The following IL33 variants were observed in gnomAD, a reference collection of about 807,000 sequenced individuals.
The protein encoded by IL33 is interleukin-33.
Under a neutral mutation model 27.3 loss-of-function variants are expected in IL33, and 37 were observed. The ratio of observed to expected loss-of-function variants is 1.36; its 90% CI spans 1.04 to 1.78. IL33 has a LOEUF of 1.78. Ranked by LOEUF, IL33 falls within the 40% of genes most tolerant of loss-of-function variation. IL33 has a pLI of 0.00. For synonymous variants in IL33, 132 were observed against 102.9 expected, an observed-to-expected ratio of 1.28 and a Z score of -1.71; for missense variants, 406 against 311.4, an observed-to-expected ratio of 1.30 and a Z score of -2.29.
chr9:6,227,192 G>C (rs973244433), intron 1 of IL33, among the ~76,000 whole-genome samples: 3 of 152,200 alleles, frequency 2.0e-5, no homozygotes, highest in Non-Finnish European at 4.4e-5. Flanking sequence ...TATTGTGAAT[G>C]TAGCCCTTTG....
chr9:6,251,340 G>C, intron 4 of IL33, 75 bp downstream of exon 4: 1 of 1,579,134 alleles, frequency 6.3e-7, no homozygotes. Context: ...TGCTACTCCA[G>C]GTAGCAGTCC....
At chr9:6,242,338 C>G (rs1364890152) in intron 2 of IL33, 1 of 152,204 alleles carries the variant, frequency 6.6e-6, no homozygotes, top group African/African-American at 2.4e-5. Flanking sequence ...AAAAAAAGTG[C>G]AGCTTGCTGC....
At chr9:6,238,313 C>T (rs1324676232) in intron 1 of IL33, among the ~76,000 whole-genome samples, 3 of 151,928 alleles carry the variant, frequency 2.0e-5, no homozygotes, top group African/African-American at 2.4e-5. Context: ...GCATTCTTGA[C>T]CAAAAAAGGT....
intron 1 of IL33, among the ~76,000 whole-genome samples, chr9:6,232,152 T>A (rs1224850295): frequency 2.6e-5 from 4 of 152,144 alleles, no homozygotes; most frequent in African/African-American, 9.7e-5. Flanking sequence ...TTCCAGCTGA[T>A]CAGATGTAGA....
intron 1 of IL33, among the ~76,000 whole-genome samples, chr9:6,241,313 T>C (rs1468774038): frequency 6.6e-6 from 1 of 152,252 alleles, no homozygotes; most frequent in Non-Finnish European, 1.5e-5. Flanking sequence ...TTGTATGTGC[T>C]ATACTTTTAT....
At chr9:6,238,870 G>C (rs1239099342) in intron 1 of IL33, among the ~76,000 whole-genome samples, 1 of 152,166 alleles carries the variant, frequency 6.6e-6, no homozygotes, top group Non-Finnish European at 1.5e-5. Flanking sequence ...CCAGATTGCA[G>C]AACCATACTA....
At chr9:6,223,617 T>C (rs1818504549) in intron 1 of IL33, among the ~76,000 whole-genome samples, 2 of 152,282 alleles carry the variant, frequency 1.3e-5, no homozygotes, top group African/African-American at 4.8e-5. Flanking sequence ...ATAAAGATAT[T>C]ATTAAGGCAA....
At chr9:6,253,435 T>A in intron 5 of IL33, 117 bp from the exon 6 acceptor site, 1 of 638,016 alleles carries the variant, frequency 1.6e-6, no homozygotes, top group Non-Finnish European at 2.7e-6. Flanking sequence ...ACAAAAGATT[T>A]GTTTTTATTG....
rs10975520 is a variant in IL33 at position 6,253,710 on chromosome 9, G to T, written c.520+108G>T. On this transcript the variant is annotated intron_variant, in intron 6 of 7. Transcript: ENST00000682010. ...CATAGGAAAAAAGATAGTCTCAGAAGGTTATCTCCAACCCAAGCTCATGGT... is the reference window on the plus strand; with the variant it reads ...CATAGGAAAAAAGATAGTCTCAGAATGTTATCTCCAACCCAAGCTCATGGT... The T allele has an allele frequency of 2.8e-4, 214 of 761,646 alleles. No individual in the cohort carries two copies. In the African/African-American group the frequency reaches 3.4e-3, roughly 12 times the overall value. 47.2% of individuals were successfully genotyped at this position (761,646 alleles called of 1,614,324 possible). A position where few individuals can be genotyped will look rare whatever the true frequency, so the allele number is the denominator to read the frequency against.
intron 1 of IL33, among the ~76,000 whole-genome samples, chr9:6,229,184 T>C (rs1049689210): frequency 2.6e-5 from 4 of 152,110 alleles, no homozygotes; most frequent in Admixed American, 2.6e-4. Flanking sequence ...ATACCCTCCT[T>C]GTTTTGAAGA....
At chr9:6,227,014 G>C (rs1168653186) in intron 1 of IL33, among the ~76,000 whole-genome samples, 1 of 152,244 alleles carries the variant, frequency 6.6e-6, no homozygotes, top group Admixed American at 6.5e-5. Context: ...GCTTTTGGAA[G>C]CACACAAGTA....
At position 6,241,687 on chromosome 9, in the gene IL33, A is replaced by G. The variant is rs1205442183; in HGVS notation, c.-8A>G. The G allele has an allele frequency of 6.3e-7, 1 of 1,580,320 alleles. No homozygotes were observed. The highest frequency in any genetic ancestry group is 8.7e-7 in the Non-Finnish European group (1 of 1,154,948). ...ATATTATATTTTAATCCAACAGAATACTGAAAAATGAAGCCTAAAATGAAG... is the reference window on the plus strand; with the variant it reads ...ATATTATATTTTAATCCAACAGAATGCTGAAAAATGAAGCCTAAAATGAAG... On this transcript the variant is annotated 5_prime_UTR_variant, in exon 2 of 8. The change creates a new upstream start codon in the 5' untranslated region. Coordinates refer to ENST00000682010, the MANE Select transcript of IL33 (RefSeq NM_033439.4).
At chr9:6,253,481 A>G in intron 5 of IL33, 71 bp from the exon 6 acceptor site, 3 of 986,674 alleles carry the variant, frequency 3.0e-6, no homozygotes, top group Non-Finnish European at 4.7e-6. Context: ...TTCTGATGTT[A>G]TGTGTGTGTT....
At chr9:6,232,702 T>A (rs1007904419) in intron 1 of IL33, among the ~76,000 whole-genome samples, 1 of 152,164 alleles carries the variant, frequency 6.6e-6, no homozygotes, top group South Asian at 2.1e-4. Flanking sequence ...CTTAAACTAA[T>A]CTCTTTCCTT....
At chr9:6,244,945 C>A (rs553105544) in intron 2 of IL33, among the ~76,000 whole-genome samples, 1 of 152,320 alleles carries the variant, frequency 6.6e-6, no homozygotes, top group South Asian at 2.1e-4. Context: ...TTGTGGTCAC[C>A]CACAGGGCAT....
Position 6,249,368 on chromosome 9 carries a change from A to G in IL33, c.92-1106A>G, listed in dbSNP as rs997030520. Among the ~76,000 whole-genome samples the G allele has an allele frequency of 2.0e-5, 3 of 152,338 alleles. No individual in the cohort carries two copies. In the East Asian group the frequency reaches 5.8e-4, roughly 29 times the overall value. ...TTTTATTTTCTGAATTACTGTGACT[A>G]ATTGAAATTTGACTTCATTGTATAA... On this transcript the variant is annotated intron_variant, in intron 2 of 7. Transcript: ENST00000682010.
chr9:6,224,308 T>C (rs1929994), intron 1 of IL33, among the ~76,000 whole-genome samples: 8,417 of 152,226 alleles, frequency 0.055, 382 homozygotes, highest in African/African-American at 0.12. Flanking sequence ...ATCTTATTAA[T>C]GTTTTATGTG....
intron 1 of IL33, among the ~76,000 whole-genome samples, chr9:6,225,470 G>A (rs1222865322): frequency 6.6e-6 from 1 of 152,086 alleles, no homozygotes; most frequent in Non-Finnish European, 1.5e-5. Flanking sequence ...GTGTGACCTT[G>A]GGGAAGACCC....
intron 1 of IL33, among the ~76,000 whole-genome samples, chr9:6,237,399 A>T (rs1819284507): frequency 6.6e-6 from 1 of 152,218 alleles, no homozygotes; most frequent in Non-Finnish European, 1.5e-5. Context: ...TTGACTTATC[A>T]TGTGGTTCTA....
Sources: gnomAD v4.1 joint callset for allele counts (sites outside exome capture counted in the v4.1 genomes callset) on GRCh38, gnomAD v4.1.1 for gene constraint, MANE v1.5 for transcripts, NCBI Gene and HGNC (gene_info 2026-07-23, HGNC 2026-07-21) for gene names.